Variants in KALRN observed in about 807,000 individuals in gnomAD.
KALRN encodes kalirin.
In KALRN, 70 loss-of-function variants were observed where a neutral mutation model predicts 353.7. That is an observed-to-expected ratio of 0.20 (90% CI 0.16 to 0.24). The LOEUF is 0.24. Among genes scored for constraint, KALRN ranks in the 10% least tolerant of loss-of-function variants. The pLI, the probability that KALRN is intolerant of heterozygous loss-of-function variation, is 1.00. For synonymous variants in KALRN, 1,391 were observed against 1,434.8 expected (o/e 0.97, Z 0.69); for missense variants, 2,791 against 3,756.7 (o/e 0.74, Z 6.72).
At chr3:124,504,614 A>G (rs1007479808) in intron 33 of KALRN, 2 of 337,554 alleles carry the variant, frequency 5.9e-6, no homozygotes, top group Non-Finnish European at 1.2e-5. Context: ...ATTAATGCCT[A>G]TCACAGACTC....
chr3:124,298,724 T>A, intron 5 of KALRN, 67 bp from the exon 6 acceptor site: 7 of 1,582,568 alleles, frequency 4.4e-6, no homozygotes, highest in Non-Finnish European at 6.1e-6. Flanking sequence ...TTCCACTAGC[T>A]CTGAAAGTTT....
At chr3:124,149,898 A>G (rs2067860692) in intron 1 of KALRN, among the ~76,000 whole-genome samples, 1 of 152,216 alleles carries the variant, frequency 6.6e-6, no homozygotes, top group Admixed American at 6.5e-5. Flanking sequence ...GTTTTGCTAG[A>G]AGTAGACTTG....
chr3:124,038,561 T>A (rs543359640), intron 1 of KALRN, among the ~76,000 whole-genome samples: 2 of 152,242 alleles, frequency 1.3e-5, no homozygotes, highest in South Asian at 4.1e-4. Flanking sequence ...AAGTAAGAGT[T>A]TAGCTTTGGT....
chr3:124,265,054 G>A (rs2073341501), intron 4 of KALRN, among the ~76,000 whole-genome samples: 1 of 152,028 alleles, frequency 6.6e-6, no homozygotes, highest in African/African-American at 2.4e-5. Context: ...ATATTTTTGG[G>A]TACATGTGAC....
chr3:124,634,921 C>G (rs1311763237), intron 36 of KALRN, among the ~76,000 whole-genome samples: 5 of 152,146 alleles, frequency 3.3e-5, no homozygotes. Flanking sequence ...GCGGGTGTGT[C>G]CTTTCTGGTG....
intron 11 of KALRN, among the ~76,000 whole-genome samples, chr3:124,391,814 C>T (rs1012951078): frequency 8.5e-5 from 13 of 152,172 alleles, no homozygotes; most frequent in Non-Finnish European, 1.6e-4. Context: ...ACCTCTCTCT[C>T]TTTACATCTA....
chr3:124,444,996 A>G (rs1177630426), intron 19 of KALRN, among the ~76,000 whole-genome samples: 1 of 152,196 alleles, frequency 6.6e-6, no homozygotes, highest in Non-Finnish European at 1.5e-5. Flanking sequence ...GGGTTGTACC[A>G]TCTTCGTAAA....
At chr3:124,264,391 G>A (rs959332409) in intron 3 of KALRN, 107 bp from the exon 4 acceptor site, 1 of 880,274 alleles carries the variant, frequency 1.1e-6, no homozygotes, top group Non-Finnish European at 1.7e-6. Context: ...GAAGTTGAAA[G>A]AGTGATTCTG....
intron 2 of KALRN, among the ~76,000 whole-genome samples, chr3:124,231,108 A>G (rs900165227): frequency 6.6e-6 from 1 of 152,222 alleles, no homozygotes; most frequent in African/African-American, 2.4e-5. Context: ...AAGGAAAGCC[A>G]TGCTGCCATG....
intron 49 of KALRN, chr3:124,675,519 T>TTC (rs1491367341): frequency 6.4e-5 from 1 of 15,714 alleles, no homozygotes; most frequent in Non-Finnish European, 9.7e-5. Context: ...CCTCTTCTTC[T>TTC]TTTTTTTTTT....
Position 124,529,010 on chromosome 3 carries a change from T to C in KALRN, c.4935+32597T>C, listed in dbSNP as rs114173057. ...AACATGACTCAGACTCATCTGTAGA[T>C]TGCAAAAACTTTTGAACTTATATGT... On this transcript the variant is annotated intron_variant, in intron 33 of 59. Coordinates refer to ENST00000682506, the MANE Select transcript of KALRN (RefSeq NM_001388419.1). 9.3e-3 allele frequency among the ~76,000 whole-genome samples: 1,416 copies of C among 152,296 alleles called. 23 individuals are homozygous for C. Among genetic ancestry groups the C allele is most frequent in the African/African-American group, 0.032 (1,318 of 41,556 alleles).
intron 33 of KALRN, chr3:124,505,074 A>G: frequency 2.2e-6 from 1 of 456,588 alleles, no homozygotes. Context: ...TTTCAGGGCA[A>G]GGATTTTACT....
At chr3:124,553,090 G>T (rs1331945168) in intron 33 of KALRN, among the ~76,000 whole-genome samples, 2 of 151,990 alleles carry the variant, frequency 1.3e-5, no homozygotes, top group African/African-American at 4.8e-5. Context: ...CTACTCCCTC[G>T]ACACAAGATA....
intron 33 of KALRN, chr3:124,519,356 C>T (rs964733238): frequency 1.0e-6 from 1 of 985,324 alleles, no homozygotes; most frequent in Admixed American, 6.1e-5. Flanking sequence ...CAGTTTCCAA[C>T]ACACTCAAGA....
chr3:124,208,981 A>C (rs58920570), intron 1 of KALRN, among the ~76,000 whole-genome samples: 10,431 of 151,224 alleles, frequency 0.069, 363 homozygotes, highest in Middle Eastern at 0.099. Flanking sequence ...TAATAATAAT[A>C]ATAATCATCA....
intron 33 of KALRN, among the ~76,000 whole-genome samples, chr3:124,496,812 C>G (rs1229296660): frequency 6.6e-6 from 1 of 152,028 alleles, no homozygotes; most frequent in Non-Finnish European, 1.5e-5. Context: ...GTGATTGGCT[C>G]AAATTTACAG....
At chr3:124,371,315 T>G (rs958464527) in intron 10 of KALRN, among the ~76,000 whole-genome samples, 1 of 152,180 alleles carries the variant, frequency 6.6e-6, no homozygotes, top group African/African-American at 2.4e-5. Flanking sequence ...ATTTATTCAC[T>G]GATGGGCACG....
At chr3:124,633,615 C>A (rs1334237325) in intron 35 of KALRN, among the ~76,000 whole-genome samples, 1 of 139,386 alleles carries the variant, frequency 7.2e-6, no homozygotes, top group East Asian at 2.3e-4. Context: ...TAGATAGTTT[C>A]TGGTTTTGCT....
chr3:124,678,065 G>A, intron 49 of KALRN, 125 bp from the exon 50 acceptor site: 1 of 990,934 alleles, frequency 1.0e-6, no homozygotes, highest in Non-Finnish European at 1.6e-6. Flanking sequence ...TGCAGGTTTG[G>A]GGCCTCTGAA....
Sources: gnomAD v4.1 joint callset for allele counts (sites outside exome capture counted in the v4.1 genomes callset) on GRCh38, gnomAD v4.1.1 for gene constraint, MANE v1.5 for transcripts, NCBI Gene and HGNC (gene_info 2026-07-23, HGNC 2026-07-21) for gene names.